ANP32B: variants seen among roughly 807,000 people sequenced by gnomAD.
The protein encoded by ANP32B is acidic nuclear phosphoprotein 32 family member B, also known as acidic leucine-rich nuclear phosphoprotein 32 family member B.
Under a neutral mutation model 32.2 loss-of-function variants are expected in ANP32B, and 6 were observed. The ratio of observed to expected loss-of-function variants is 0.19; its 90% confidence interval spans 0.10 to 0.37. The LOEUF (loss-of-function observed/expected upper bound fraction) is 0.37, where lower values mean the gene tolerates loss of function less well. ANP32B is among the 10% of genes least tolerant of loss of function. The pLI is 1.00. For synonymous variants in ANP32B, 98 were observed against 105.8 expected (o/e 0.93, Z 0.45); for missense variants, 204 against 289.2 (o/e 0.71, Z 2.14).
chr9:97,985,089 C>T (rs1827692620), intron 1 of ANP32B, among the ~76,000 whole-genome samples: 2 of 149,446 alleles, frequency 1.3e-5, no homozygotes, highest in African/African-American at 2.5e-5. Flanking sequence ...CGCGGACCGG[C>T]GCGGGCCAGT....
chr9:98,012,665 A>G lies in ANP32B; in HGVS notation c.688+193A>G, dbSNP rs566998503. 7.2e-4 allele frequency among the ~76,000 whole-genome samples: 109 copies of G among 152,242 alleles called. 1 individual carries two copies. The highest frequency in any genetic ancestry group is 2.6e-3 in the African/African-American group (107 of 41,548). ...CAGGCTCCCTGCTGCTACAGCAGTT[A>G]TTCCTGTCTCATGGCAAGGGTCCTG... is the stretch of plus-strand genomic sequence containing the variant. On this transcript the variant is annotated intron_variant, in intron 6 of 6. Transcript: ENST00000339399.
intron 4 of ANP32B, among the ~76,000 whole-genome samples, chr9:98,010,653 A>C (rs1321437269): frequency 6.6e-6 from 1 of 152,010 alleles, no homozygotes; most frequent in African/African-American, 2.4e-5. Flanking sequence ...AGGTGAGAGC[A>C]TGGTGTGCTC....
intron 1 of ANP32B, among the ~76,000 whole-genome samples, chr9:97,989,564 T>G (rs1391444152): frequency 6.6e-6 from 1 of 152,162 alleles, no homozygotes; most frequent in African/African-American, 2.4e-5. Context: ...TGCCTAACTT[T>G]CTTCATTAGA....
chr9:97,992,450 G>A (rs2131583153), intron 1 of ANP32B, among the ~76,000 whole-genome samples: 1 of 152,348 alleles, frequency 6.6e-6, no homozygotes, highest in South Asian at 2.1e-4. Context: ...ACGCCTTGCA[G>A]TGGTTCAAGT....
rs1828266392 is a variant in ANP32B, at chr9:98,015,636, A to G, written c.*205A>G. 3 of 1,270,534 alleles carry G rather than the reference A, an allele frequency of 2.4e-6. No individual in the cohort carries two copies. The highest frequency in any genetic ancestry group is 7.2e-5 in the Admixed American group (2 of 27,878). The allele number at this position is 1,270,534 out of a possible 1,614,324, so 78.7% of individuals were successfully genotyped here. ...TGGTAATCTACCACCAAGCTTGTGG[A>G]CTTCACCCCAACAAAATTGTAAGCG... is the stretch of plus-strand genomic sequence containing the variant. On this transcript the variant is annotated 3_prime_UTR_variant, in exon 7 of 7. Transcript: ENST00000339399.
chr9:97,998,730 A>T (rs1349170993), intron 3 of ANP32B, 52 bp downstream of exon 3: 9 of 1,401,232 alleles, frequency 6.4e-6, no homozygotes, highest in Admixed American at 2.6e-5. Flanking sequence ...TTTCATTTTC[A>T]TATTTCTTTA....
chr9:98,013,667 G>A (rs1828225595), intron 6 of ANP32B, among the ~76,000 whole-genome samples: 1 of 152,146 alleles, frequency 6.6e-6, no homozygotes, highest in Non-Finnish European at 1.5e-5. Flanking sequence ...AGGAGGCCGA[G>A]GCAGGTGGAT....
intron 2 of ANP32B, among the ~76,000 whole-genome samples, chr9:97,997,699 C>T (rs1029092209): frequency 6.6e-6 from 1 of 152,230 alleles, no homozygotes; most frequent in East Asian, 1.9e-4. Context: ...GTTAAAGTTA[C>T]TATTGTTGTT....
rs3739672 is a variant in ANP32B at position 97,983,620 on chromosome 9, A to G, written c.54+11A>G. The G allele has an allele frequency of 0.24, 366,335 of 1,557,716 alleles. 47,869 individuals carry two copies. Among genetic ancestry groups the G allele is most frequent in the South Asian group, 0.49 (40,971 of 83,886 alleles). On this transcript the variant is annotated intron_variant, in intron 1 of 6. Coordinates refer to ENST00000339399, the MANE Select transcript of ANP32B (RefSeq NM_006401.3). Reference sequence around the variant, plus strand: ...CGGACCCCGGCAGCTGTAAGCAGAGACCCCTCTGGGTGCCCTCTCCCCCGA... The same window carrying G: ...CGGACCCCGGCAGCTGTAAGCAGAGGCCCCTCTGGGTGCCCTCTCCCCCGA...
At chr9:98,007,421 G>A (rs910436325) in intron 4 of ANP32B, among the ~76,000 whole-genome samples, 16 of 152,228 alleles carry the variant, frequency 1.1e-4, no homozygotes, top group African/African-American at 3.9e-4. Flanking sequence ...ATGAGTCACC[G>A]TGGTACACAT....
intron 3 of ANP32B, among the ~76,000 whole-genome samples, chr9:98,001,812 C>T (rs1827997197): frequency 6.6e-6 from 1 of 151,996 alleles, no homozygotes; most frequent in Non-Finnish European, 1.5e-5. Flanking sequence ...TATACCCATA[C>T]ATTTACTGGG....
At chr9:97,998,425 C>T in intron 2 of ANP32B, 131 bp from the exon 3 acceptor site, 7 of 961,594 alleles carry the variant, frequency 7.3e-6, no homozygotes, top group Non-Finnish European at 1.0e-5. Context: ...AACATGCATG[C>T]CCTAATAGAA....
At chr9:98,001,484 G>A (rs917204772) in intron 3 of ANP32B, among the ~76,000 whole-genome samples, 1 of 152,198 alleles carries the variant, frequency 6.6e-6, no homozygotes, top group African/African-American at 2.4e-5. Flanking sequence ...GAGCCACCAT[G>A]CCTGGCCTTC....
intron 3 of ANP32B, 54 bp downstream of exon 3, chr9:97,998,732 A>G: frequency 7.6e-7 from 1 of 1,322,404 alleles, no homozygotes; most frequent in Non-Finnish European, 9.9e-7. Flanking sequence ...TCATTTTCAT[A>G]TTTCTTTATA....
At position 97,998,588 on chromosome 9, in the gene ANP32B, T is replaced by A. The variant is rs1257935131; in HGVS notation, c.237T>A (p.Gly79=). ...LELSENRIFG[G]LDMLAEKLPN... ...TCAGTGAAAATAGAATCTTTGGAGGTCTGGACATGTTAGCTGAAAAACTTC... is the reference window on the plus strand; with the variant it reads ...TCAGTGAAAATAGAATCTTTGGAGGACTGGACATGTTAGCTGAAAAACTTC... Residue 79 remains glycine, a synonymous_variant, in exon 3 of 7, where the codon GGT becomes GGA. Coordinates refer to ENST00000339399, the MANE Select transcript of ANP32B (RefSeq NM_006401.3). 1.9e-6 allele frequency: 3 copies of A among 1,611,584 alleles called. No homozygotes were observed. The highest frequency in any genetic ancestry group is 2.5e-6 in the Non-Finnish European group (3 of 1,179,290).
intron 3 of ANP32B, 106 bp from the exon 4 acceptor site, chr9:98,004,858 T>C (rs1313055183): frequency 1.3e-6 from 1 of 788,610 alleles, no homozygotes; most frequent in Non-Finnish European, 2.0e-6. Context: ...GCTGAGTGGG[T>C]AGTGGAAATT....
intron 1 of ANP32B, among the ~76,000 whole-genome samples, chr9:97,993,209 T>TTA (rs1331012856): frequency 2.0e-5 from 3 of 152,190 alleles, no homozygotes; most frequent in Admixed American, 2.0e-4. Flanking sequence ...GGTTAGGCAC[T>TTA]TACTATGTTG....
chr9:97,995,737 A>G (rs1214970178), intron 2 of ANP32B, among the ~76,000 whole-genome samples: 6 of 152,070 alleles, frequency 3.9e-5, no homozygotes, highest in South Asian at 2.1e-4. Context: ...CCTGGCCAAC[A>G]TGGCAAAACC....
At chr9:97,990,775 C>T (rs1306582852) in intron 1 of ANP32B, among the ~76,000 whole-genome samples, 2 of 151,378 alleles carry the variant, frequency 1.3e-5, no homozygotes, top group Middle Eastern at 6.9e-3. Context: ...AGAATGATAC[C>T]TCATTTTTAA....
Sources: gnomAD v4.1 joint callset for allele counts (sites outside exome capture counted in the v4.1 genomes callset) on GRCh38, gnomAD v4.1.1 for gene constraint, MANE v1.5 for transcripts, NCBI Gene and HGNC (gene_info 2026-07-23, HGNC 2026-07-21) for gene names.